EP400: variants seen among roughly 807,000 people sequenced by gnomAD.
EP400 encodes E1A-binding protein p400.
In EP400, 105 loss-of-function variants were observed where a neutral mutation model predicts 354.1. That is an observed-to-expected ratio of 0.30 (90% CI 0.25 to 0.35). EP400 has a LOEUF of 0.35. Among genes scored for constraint, EP400 ranks in the 10% least tolerant of loss-of-function variants. The pLI, the probability that EP400 is intolerant of heterozygous loss-of-function variation, is 1.00. For missense variants in EP400, 3,280 were observed against 4,121.0 expected, an observed-to-expected ratio of 0.80 and a Z score of 5.59; for synonymous variants, 1,646 against 1,716.9, an observed-to-expected ratio of 0.96 and a Z score of 1.02.
intron 39 of EP400, among the ~76,000 whole-genome samples, chr12:132,049,790 A>G (rs946862666): frequency 6.6e-6 from 1 of 152,226 alleles, no homozygotes; most frequent in Non-Finnish European, 1.5e-5. Flanking sequence ...CACATAGCCC[A>G]CAATTGAGTG....
intron 12 of EP400, among the ~76,000 whole-genome samples, chr12:132,002,292 C>G (rs368249234): frequency 1.3e-5 from 2 of 152,098 alleles, no homozygotes; most frequent in South Asian, 2.1e-4. Flanking sequence ...CTTGTATTTT[C>G]TCACCTGTTC....
At chr12:131,965,593 C>G (rs533798569) in intron 2 of EP400, among the ~76,000 whole-genome samples, 1 of 152,320 alleles carries the variant, frequency 6.6e-6, no homozygotes. Flanking sequence ...CACAGTCAAG[C>G]AACAGAAGCT....
At position 131,961,900 on chromosome 12, in the gene EP400, A is replaced by G. The variant is rs1566161751; in HGVS notation, c.1281A>G (p.Glu427=). The change falls in exon 2 of 53, where the codon GAA becomes GAG. Residue 427 remains glutamate (E), a synonymous_variant. Coordinates refer to ENST00000389561, the MANE Select transcript of EP400 (RefSeq NM_015409.5). ...GGCAGAATGATTTGGACATTGAAGA[A>G]GAGGAGGAGGAGGAGGAAGAGGAGG... ...YLRQNDLDIE[E]EEEEEEEEEE... 3.1e-6 allele frequency: 5 copies of G among 1,613,246 alleles called. No homozygotes were observed. The highest frequency in any genetic ancestry group is 1.3e-5 in the African/African-American group (1 of 75,028).
chr12:132,031,892 G>A (rs1306265532), intron 29 of EP400, 61 bp from the exon 30 acceptor site: 5 of 1,494,482 alleles, frequency 3.3e-6, no homozygotes, highest in Admixed American at 1.9e-5. Context: ...ATGTTGAAAC[G>A]TGTCAAAGGT....
At position 132,044,701 on chromosome 12, in the gene EP400, A is replaced by G. The variant is rs1895025339; in HGVS notation, c.6616A>G (p.Thr2206Ala). The G allele has an allele frequency of 1.2e-6, 2 of 1,614,086 alleles. No individual in the cohort carries two copies. Among genetic ancestry groups the G allele is most frequent in the Admixed American group, 1.7e-5 (1 of 60,010 alleles). Residue 2206 changes from threonine to alanine, a missense_variant, in exon 36 of 53, where the codon ACA (threonine) becomes GCA (alanine). Thr to Ala is a moderately conservative substitution (Grantham distance 58). Around this residue, in one of 20 missense-constraint regions of EP400, gnomAD observed 231 missense variants for 257.9 expected, o/e 0.90. Coordinates refer to ENST00000389561, the MANE Select transcript of EP400 (RefSeq NM_015409.5). The part of the protein sequence containing the change: ...EYVYEDVDGQ[T>A]EVMPLWTPPT... ...TGTCTACGAAGATGTCGATGGGCAG[A>G]CAGAAGTCATGCCGGTGAGTGCTGC...
intron 41 of EP400, among the ~76,000 whole-genome samples, chr12:132,051,642 C>T (rs560497324): frequency 7.4e-4 from 112 of 152,282 alleles, no homozygotes; most frequent in Admixed American, 1.3e-3. Flanking sequence ...GCTAACTAAA[C>T]GGCAGAGCCA....
At chr12:132,032,386 CTATT>C (rs1169632386) in intron 30 of EP400, among the ~76,000 whole-genome samples, 6 of 152,182 alleles carry the variant, frequency 3.9e-5, no homozygotes, top group Non-Finnish European at 8.8e-5. Context: ...TTTTATCTAT[CTATT>C]CCTTTTATTT....
rs1264116780 is a variant in EP400 at position 132,050,831 on chromosome 12, A to G, written c.7394+176A>G. 3 of 733,968 alleles carry G rather than the reference A, an allele frequency of 4.1e-6. No individual in the cohort carries two copies. In the African/African-American group the frequency reaches 5.2e-5, roughly 13 times the overall value. 45.5% of individuals were successfully genotyped at this position (733,968 alleles called of 1,614,324 possible). Reference sequence around the variant, plus strand: ...TGCTTTTCCTGCCGTGGGCTAGGGTATGCATAGGACGGCCCCTGCCCTGTC... The same window carrying G: ...TGCTTTTCCTGCCGTGGGCTAGGGTGTGCATAGGACGGCCCCTGCCCTGTC... On this transcript the variant is annotated intron_variant, in intron 41 of 52. Coordinates refer to ENST00000389561, the MANE Select transcript of EP400 (RefSeq NM_015409.5). The surrounding 1 kb of genome is among the most constrained non-coding windows in gnomAD (Gnocchi z 4.8).
rs1339795291 is a variant in EP400 at position 132,054,303 on chromosome 12, T to C, written c.7729-671T>C. ...ATTTCCTGCAGTAGTTTTTAGAAAATTGTTTGCTGTAGTGGAATTTTTATA... is the reference window on the plus strand; with the variant it reads ...ATTTCCTGCAGTAGTTTTTAGAAAACTGTTTGCTGTAGTGGAATTTTTATA... On this transcript the variant is annotated intron_variant, in intron 43 of 52. Transcript: ENST00000389561. The surrounding 1 kb of genome is among the most constrained non-coding windows in gnomAD (Gnocchi z 4.0). 6.6e-6 allele frequency among the ~76,000 whole-genome samples: 1 copy of C among 152,182 alleles called. No individual in the cohort carries two copies. The highest frequency in any genetic ancestry group is 1.5e-5 in the Non-Finnish European group (1 of 68,020).
At chr12:132,057,909 G>C (rs1895564287) in intron 45 of EP400, among the ~76,000 whole-genome samples, 1 of 152,182 alleles carries the variant, frequency 6.6e-6, no homozygotes, top group Non-Finnish European at 1.5e-5. Context: ...ATTTTTGAGT[G>C]GCTCTTAATG....
chr12:131,966,502 G>A (rs1390297752), intron 2 of EP400, among the ~76,000 whole-genome samples: 1 of 145,028 alleles, frequency 6.9e-6, no homozygotes, highest in East Asian at 2.1e-4. Context: ...GGCGGAGGTT[G>A]CAATGAGCTG....
Position 132,018,120 on chromosome 12 carries a change from G to T in EP400, c.4111-90G>T. 3 of 1,552,976 alleles carry T rather than the reference G, an allele frequency of 1.9e-6. No individual in the cohort carries two copies. The highest frequency in any genetic ancestry group is 2.6e-6 in the Non-Finnish European group (3 of 1,144,908). On this transcript the variant is annotated intron_variant, in intron 20 of 52. Transcript: ENST00000389561. This position sits in a 1 kb window ranked among gnomAD's most constrained non-coding sequence, Gnocchi z 4.0. ...AGAGGGGGCGCGTCTGGATGCCCAC[G>T]TTAGGGCCCTGCCATAGAAATCAGT...
intron 5 of EP400, among the ~76,000 whole-genome samples, chr12:131,984,752 G>A (rs1892797862): frequency 6.6e-6 from 1 of 150,806 alleles, no homozygotes; most frequent in Admixed American, 6.6e-5. Flanking sequence ...AGGGTGGAGC[G>A]CAGTGGCACG....
At chr12:132,019,338 G>A (rs866945543) in intron 21 of EP400, among the ~76,000 whole-genome samples, 6 of 152,164 alleles carry the variant, frequency 3.9e-5, no homozygotes, top group Non-Finnish European at 8.8e-5. Flanking sequence ...CCACACGCCC[G>A]GCCTAAAAAT....
chr12:132,010,259 G>A (rs1893723060), intron 15 of EP400, among the ~76,000 whole-genome samples: 1 of 151,834 alleles, frequency 6.6e-6, no homozygotes, highest in Admixed American at 6.6e-5. Flanking sequence ...GCTAATTTTT[G>A]TATTTTTAGT....
intron 2 of EP400, 27 bp downstream of exon 2, chr12:131,961,981 G>A: frequency 6.3e-7 from 1 of 1,586,938 alleles, no homozygotes; most frequent in Non-Finnish European, 8.6e-7. Flanking sequence ...AATTTGTTTA[G>A]TACAAATCTT....
intron 12 of EP400, among the ~76,000 whole-genome samples, chr12:132,002,709 A>T (rs1893457425): frequency 6.6e-6 from 1 of 152,174 alleles, no homozygotes; most frequent in South Asian, 2.1e-4. Context: ...TTTGTAGCTG[A>T]GTCTTGGAAG....
intron 15 of EP400, among the ~76,000 whole-genome samples, chr12:132,009,830 ATTTTTTTTTTT>A (rs35513772): frequency 1.6e-4 from 13 of 79,726 alleles, no homozygotes; most frequent in South Asian, 4.1e-4. Context: ...CGCCTGGCTA[ATTTTTTTTTTT>A]TTTTTTTTTT....
intron 12 of EP400, among the ~76,000 whole-genome samples, chr12:132,003,877 G>A (rs1382937215): frequency 6.6e-6 from 1 of 152,174 alleles, no homozygotes; most frequent in Non-Finnish European, 1.5e-5. Flanking sequence ...AGTCCCAAGT[G>A]GACAGTGCCT....
Sources: allele counts gnomAD v4.1 joint callset (sites outside exome capture counted in the v4.1 genomes callset), GRCh38; gene constraint gnomAD v4.1.1; regional missense constraint gnomAD v4.1.1; non-coding constraint Gnocchi (gnomAD v3.1); transcripts MANE v1.5; gene names NCBI Gene and HGNC (gene_info 2026-07-23, HGNC 2026-07-21).